The following CNTNAP2 variants were observed in gnomAD, a reference collection of about 807,000 sequenced individuals.
CNTNAP2 encodes the protein contactin associated protein 2.
CNTNAP2 carries 98 observed loss-of-function variants against 155.2 expected under a neutral mutation model. That is an observed-to-expected ratio of 0.63 (90% CI 0.54 to 0.75). CNTNAP2 has a LOEUF of 0.75. Ranked by LOEUF, CNTNAP2 falls within the 30% of genes least tolerant of loss-of-function variation. The probability of loss-of-function intolerance (pLI) is 0.00; values close to 1 mark genes in which losing one functional copy is unlikely to be tolerated. For missense variants in CNTNAP2, 1,727 were observed against 1,688.1 expected, an observed-to-expected ratio of 1.02 and a Z score of -0.40; for synonymous variants, 651 against 631.2, an observed-to-expected ratio of 1.03 and a Z score of -0.47.
intron 2 of CNTNAP2, among the ~76,000 whole-genome samples, chr7:146,838,553 G>T (rs1229005571): frequency 1.3e-5 from 2 of 152,130 alleles, no homozygotes; most frequent in Non-Finnish European, 2.9e-5. Context: ...ACTGACCTCA[G>T]GTGATCCACC....
intron 1 of CNTNAP2, among the ~76,000 whole-genome samples, chr7:146,585,162 G>T (rs1279851129): frequency 6.6e-6 from 1 of 151,692 alleles, no homozygotes; most frequent in Non-Finnish European, 1.5e-5. Flanking sequence ...CCACTCTATC[G>T]CCAGACTGGA....
intron 8 of CNTNAP2, among the ~76,000 whole-genome samples, chr7:147,249,783 T>G (rs985293937): frequency 1.3e-5 from 2 of 152,080 alleles, no homozygotes; most frequent in African/African-American, 4.8e-5. Flanking sequence ...CTTTGGGCAG[T>G]AATTTTAGTC....
intron 1 of CNTNAP2, among the ~76,000 whole-genome samples, chr7:146,610,083 A>T (rs1337867716): frequency 1.3e-5 from 2 of 152,222 alleles, no homozygotes; most frequent in Admixed American, 6.5e-5. Flanking sequence ...ATTAAAATAC[A>T]ATCTTCAGGT....
chr7:147,944,309 T>C (rs1035726995), intron 14 of CNTNAP2, among the ~76,000 whole-genome samples: 1 of 152,214 alleles, frequency 6.6e-6, no homozygotes, highest in African/African-American at 2.4e-5. Context: ...GTTAAATAAA[T>C]ACCGTCTTTT....
At chr7:146,229,917 T>G (rs1799357021) in intron 1 of CNTNAP2, among the ~76,000 whole-genome samples, 1 of 152,188 alleles carries the variant, frequency 6.6e-6, no homozygotes, top group African/African-American at 2.4e-5. Context: ...TCGTGACTGT[T>G]TTGAATATGG....
rs957819902 is a variant in CNTNAP2, at chr7:148,420,896, C to T, written c.*5280C>T. The stretch of plus-strand genomic sequence containing the variant: ...TAGAATGAAAGAAGGAAATTATGTA[C>T]GTATGCCTAATATTCTTTGTGAATG... On this transcript the variant is annotated 3_prime_UTR_variant, in exon 24 of 24. Coordinates refer to ENST00000361727, the MANE Select transcript of CNTNAP2 (RefSeq NM_014141.6). 1.4e-4 allele frequency: 22 copies of T among 152,640 alleles called. No individual in the cohort carries two copies. The highest frequency in any genetic ancestry group is 4.2e-4 in the South Asian group (2 of 4,810). 9.5% of individuals were successfully genotyped at this position (152,640 alleles called of 1,614,324 possible). A position where few individuals can be genotyped will look rare whatever the true frequency, so the allele number is the denominator to read the frequency against.
intron 1 of CNTNAP2, among the ~76,000 whole-genome samples, chr7:146,283,515 G>A (rs1800282703): frequency 6.6e-6 from 1 of 152,116 alleles, no homozygotes; most frequent in South Asian, 2.1e-4. Flanking sequence ...CCACAGGTGT[G>A]AGCCACTGTG....
chr7:147,732,181 T>TCC lies in CNTNAP2; in HGVS notation c.2098+92883_2098+92884dup, dbSNP rs199519152. ...TAGGTATATCTCCTAATGCTATCCCTCCCCCCCCCACCACCCCCATGACAG... is the reference window on the plus strand; with the variant it reads ...TAGGTATATCTCCTAATGCTATCCCTCCCCCCCCCCCACCACCCCCATGACAG... On this transcript the variant is annotated intron_variant, in intron 13 of 23. Transcript: ENST00000361727. Among the ~76,000 whole-genome samples the TCC allele has an allele frequency of 5.8e-3, 625 of 108,480 alleles. 4 individuals carry two copies. Among genetic ancestry groups the TCC allele is most frequent in the Non-Finnish European group, 6.9e-3 (393 of 57,320 alleles). 71.2% of individuals were successfully genotyped at this position (108,480 alleles called of 152,430 possible). A position where few individuals can be genotyped will look rare whatever the true frequency, so the allele number is the denominator to read the frequency against.
At chr7:147,988,097 G>A (rs186095310) in intron 15 of CNTNAP2, among the ~76,000 whole-genome samples, 97 of 152,278 alleles carry the variant, frequency 6.4e-4, no homozygotes, top group African/African-American at 2.3e-3. Flanking sequence ...GGAGGGTGGT[G>A]GGGGTAGGGG....
At chr7:147,447,427 T>C (rs1797758838) in intron 10 of CNTNAP2, among the ~76,000 whole-genome samples, 1 of 152,180 alleles carries the variant, frequency 6.6e-6, no homozygotes, top group Non-Finnish European at 1.5e-5. Context: ...ACTTGCTGGT[T>C]TGTTTTGAGA....
intron 1 of CNTNAP2, among the ~76,000 whole-genome samples, chr7:146,203,822 T>C (rs2116872209): frequency 6.6e-6 from 1 of 152,236 alleles, no homozygotes; most frequent in South Asian, 2.1e-4. Context: ...CCAAGGATTT[T>C]AGGAATCATA....
In CNTNAP2 at chr7:147,795,951, G is replaced by A. The variant is rs188239561; in HGVS notation, c.2099-107614G>A. 2.9e-3 allele frequency among the ~76,000 whole-genome samples: 440 copies of A among 152,146 alleles called. 4 individuals carry two copies. The highest frequency in any genetic ancestry group is 0.01 in the African/African-American group (416 of 41,532). On this transcript the variant is annotated intron_variant, in intron 13 of 23. Coordinates refer to ENST00000361727, the MANE Select transcript of CNTNAP2 (RefSeq NM_014141.6). Reference sequence around the variant, plus strand: ...TTAGGCATTTTGCTTCTTGCAATAGGCAATCTTATCTACAACTGATTTTGA... The same window carrying A: ...TTAGGCATTTTGCTTCTTGCAATAGACAATCTTATCTACAACTGATTTTGA...
At chr7:147,067,059 G>A (rs1231322034) in intron 4 of CNTNAP2, among the ~76,000 whole-genome samples, 1 of 152,148 alleles carries the variant, frequency 6.6e-6, no homozygotes, top group African/African-American at 2.4e-5. Context: ...TTGGGAGGCT[G>A]AGGTGGGTGG....
In CNTNAP2 at chr7:147,387,418, T is replaced by C. The variant is rs1796642034; in HGVS notation, c.1499-8191T>C. On this transcript the variant is annotated intron_variant, in intron 9 of 23. Coordinates refer to ENST00000361727, the MANE Select transcript of CNTNAP2 (RefSeq NM_014141.6). ...AGCCTTGTATTTTTGACAGGTGTCT[T>C]ACACACCATGCTTTATTCTTCTCAT... Among the ~76,000 whole-genome samples the C allele has an allele frequency of 2.0e-5, 3 of 152,324 alleles. No individual in the cohort carries two copies. In the South Asian group the frequency reaches 6.2e-4, roughly 32 times the overall value.
chr7:146,413,049 T>G (rs555961793), intron 1 of CNTNAP2, among the ~76,000 whole-genome samples: 1 of 152,004 alleles, frequency 6.6e-6, no homozygotes, highest in African/African-American at 2.4e-5. Flanking sequence ...TTACACAAAC[T>G]GCGTTGCAGA....
At chr7:146,830,944 T>C (rs1803497363) in intron 2 of CNTNAP2, among the ~76,000 whole-genome samples, 1 of 152,224 alleles carries the variant, frequency 6.6e-6, no homozygotes, top group Non-Finnish European at 1.5e-5. Context: ...CTAGCCATTT[T>C]TTAATCTACC....
intron 21 of CNTNAP2, among the ~76,000 whole-genome samples, chr7:148,351,691 C>T (rs148152863): frequency 0.023 from 3,353 of 144,748 alleles, 46 homozygotes; most frequent in African/African-American, 0.044. Context: ...TGCAGTGAGC[C>T]GAGATCACGC....
At chr7:146,281,255 A>G (rs1386344864) in intron 1 of CNTNAP2, among the ~76,000 whole-genome samples, 1 of 152,194 alleles carries the variant, frequency 6.6e-6, no homozygotes, top group African/African-American at 2.4e-5. Flanking sequence ...ATATGACATA[A>G]TATGATCCTA....
intron 1 of CNTNAP2, among the ~76,000 whole-genome samples, chr7:146,668,208 T>C (rs1295351677): frequency 6.6e-6 from 1 of 152,178 alleles, no homozygotes; most frequent in Admixed American, 6.5e-5. Flanking sequence ...TAAATGTTTT[T>C]TCTGAATCTA....
Sources: gnomAD v4.1 joint callset for allele counts (sites outside exome capture counted in the v4.1 genomes callset) on GRCh38, gnomAD v4.1.1 for gene constraint, MANE v1.5 for transcripts, NCBI Gene and HGNC (gene_info 2026-07-23, HGNC 2026-07-21) for gene names.